BRD1: variants seen among roughly 807,000 people sequenced by gnomAD.
The protein encoded by BRD1 is bromodomain-containing protein 1.
BRD1 carries 24 observed loss-of-function variants against 107.7 expected under a neutral mutation model. The ratio of observed to expected loss-of-function variants is 0.22; its 90% CI spans 0.16 to 0.31. BRD1 has a LOEUF of 0.31. Among genes scored for constraint, BRD1 ranks in the 10% least tolerant of loss-of-function variants. The probability of loss-of-function intolerance (pLI) is 1.00; values close to 1 mark genes in which losing one functional copy is unlikely to be tolerated. For synonymous variants in BRD1, 744 were observed against 686.1 expected, an observed-to-expected ratio of 1.08 and a Z score of -1.32; for missense variants, 1,279 against 1,638.6, an observed-to-expected ratio of 0.78 and a Z score of 3.79.
Position 49,775,687 on chromosome 22 carries a change from G to A in BRD1, c.3290C>T (p.Ala1097Val). 1.2e-6 allele frequency: 2 copies of A among 1,613,746 alleles called. No homozygotes were observed. The highest frequency in any genetic ancestry group is 8.5e-7 in the Non-Finnish European group (1 of 1,179,858). ...AATCTTCAGCACGTCCAGGGGTGGGGCCGGGATGGTGACGCCGTTGTGGTG... is the reference window on the plus strand; with the variant it reads ...AATCTTCAGCACGTCCAGGGGTGGGACCGGGATGGTGACGCCGTTGTGGTG... ...PGHHNGVTIP[A>V]PPLDVLKIGE... Residue 1097 changes from alanine to valine, a missense_variant, in exon 12 of 13, where the codon GCC becomes GTC. Physicochemically the swap from Ala to Val is moderately conservative, Grantham distance 64 (BLOSUM62 0). Coordinates refer to ENST00000404760, the MANE Select transcript of BRD1 (RefSeq NM_001304808.3).
Position 49,823,487 on chromosome 22 carries a change from C to A in BRD1, c.831G>T (p.Lys277Asn). 1 of 1,607,736 alleles carries A rather than the reference C, an allele frequency of 6.2e-7. No individual in the cohort carries two copies. Among genetic ancestry groups the A allele is most frequent in the South Asian group, 1.1e-5 (1 of 91,070 alleles). ...RPADCVLCPN[K>N]GGAFKKTDDD... is the part of the protein sequence containing the mutation. ...CATCTGTCTTTTTGAAGGCACCACC[C>A]TTGTTGGGGCACAGCACACAGTCGG... is the stretch of plus-strand genomic sequence containing the variant. The change falls in exon 2 of 13, where the codon AAG becomes AAT. Residue 277 changes from lysine (K) to asparagine (N), a missense_variant. By Grantham distance (94) the Lys-to-Asn change is moderately conservative. Transcript: ENST00000404760.
At chr22:49,775,891 T>G in intron 11 of BRD1, 146 bp from the exon 12 acceptor site, 1 of 614,426 alleles carries the variant, frequency 1.6e-6, no homozygotes. Flanking sequence ...GAACCACCCC[T>G]GCCCCTTCCA....
chr22:49,805,592 A>AC (rs1271025883), intron 2 of BRD1: 1 of 153,144 alleles, frequency 6.5e-6, no homozygotes, highest in African/African-American at 2.4e-5. Context: ...TCACAGCCCC[A>AC]CAGGGCTCCT....
chr22:49,793,942 C>T (rs546973442), intron 7 of BRD1, 92 bp downstream of exon 7: 6 of 1,507,328 alleles, frequency 4.0e-6, no homozygotes, highest in Middle Eastern at 2.4e-4. Flanking sequence ...TGCACACCAA[C>T]GCTGCTGCCC....
intron 2 of BRD1, among the ~76,000 whole-genome samples, chr22:49,811,797 C>T (rs1266894345): frequency 4.6e-5 from 7 of 152,174 alleles, no homozygotes; most frequent in Admixed American, 3.9e-4. Flanking sequence ...GGCGGCAGAA[C>T]AGGGATGGAA....
In BRD1 at chr22:49,775,724, G is replaced by A. The variant is rs756317589; in HGVS notation, c.3253C>T (p.Arg1085Cys). The change falls in exon 12 of 13, where the codon CGT (arginine) becomes TGT (cysteine). Residue 1085 changes from arginine to cysteine, a missense_variant. Arg to Cys is a radical substitution (Grantham distance 180). This residue lies in a region of BRD1 where 136 missense variants were observed against 196.8 expected (regional missense o/e 0.69). Transcript: ENST00000404760. Reference protein sequence around the residue: ...PALIIDPKMPRVPGHHNGVTI... With the variant: ...PALIIDPKMPCVPGHHNGVTI... ...ACGCCGTTGTGGTGGCCAGGCACAC[G>A]GGGCATCTTGGGGTCGATGATCTGC... 15 of 1,611,680 alleles carry A rather than the reference G, an allele frequency of 9.3e-6. No homozygotes were observed. Among genetic ancestry groups the A allele is most frequent in the Admixed American group, 5.0e-5 (3 of 59,816 alleles).
At chr22:49,775,875 CTCGCCGAA>C in intron 11 of BRD1, 130 bp from the exon 12 acceptor site, 1 of 1,193,320 alleles carries the variant, frequency 8.4e-7, no homozygotes, top group Non-Finnish European at 1.1e-6. Context: ...CCACGCCCCC[CTCGCCGAA>C]CCACCCCTGC....
At chr22:49,821,653 G>A (rs535492067) in intron 2 of BRD1, among the ~76,000 whole-genome samples, 144 of 151,766 alleles carry the variant, frequency 9.5e-4, no homozygotes, top group African/African-American at 3.2e-3. Context: ...CGCAGGCTGC[G>A]GTACAGTAGC....
chr22:49,787,211 G>A (rs898970822), intron 8 of BRD1, among the ~76,000 whole-genome samples, 179 bp downstream of exon 8: 13 of 151,666 alleles, frequency 8.6e-5, no homozygotes, highest in African/African-American at 3.1e-4. Flanking sequence ...GCCGGCCTCA[G>A]ACCCGCAACT....
intron 2 of BRD1, among the ~76,000 whole-genome samples, chr22:49,821,896 C>T (rs1465717864): frequency 6.6e-6 from 1 of 152,202 alleles, no homozygotes; most frequent in Non-Finnish European, 1.5e-5. Context: ...CCCTGTTGAC[C>T]GGCAGGCCCC....
At chr22:49,818,643 T>C (rs2147357338) in intron 2 of BRD1, among the ~76,000 whole-genome samples, 1 of 152,196 alleles carries the variant, frequency 6.6e-6, no homozygotes, top group South Asian at 2.1e-4. Context: ...ATCCTAGCAC[T>C]TTGGGAGGCA....
intron 2 of BRD1, among the ~76,000 whole-genome samples, chr22:49,811,774 A>G (rs1476713661): frequency 6.6e-6 from 1 of 152,242 alleles, no homozygotes; most frequent in Non-Finnish European, 1.5e-5. Context: ...GAAGCTGACA[A>G]AATTCCCCCA....
intron 2 of BRD1, among the ~76,000 whole-genome samples, chr22:49,809,140 G>T (rs9628139): frequency 0.014 from 2,145 of 151,518 alleles, 49 homozygotes; most frequent in African/African-American, 0.05. Flanking sequence ...AAAGAAAAAG[G>T]GAAAAAAAGG....
At chr22:49,775,567 G>T (rs746726651) in intron 12 of BRD1, 24 bp downstream of exon 12, 4 of 1,457,018 alleles carry the variant, frequency 2.7e-6, no homozygotes, top group East Asian at 5.3e-5. Flanking sequence ...GCCGGTCCCC[G>T]GAGTCTAAGG....
At position 49,823,508 on chromosome 22, in the gene BRD1, G is replaced by C. The variant is rs1353642814; in HGVS notation, c.810C>G (p.Asp270Glu). Residue 270 changes from aspartate (D) to glutamate (E), a missense_variant, in exon 2 of 13, where the codon GAC becomes GAG. Asp to Glu is a conservative substitution (Grantham distance 45, BLOSUM62 2). Around this residue, in one of 7 missense-constraint regions of BRD1, gnomAD observed 158 missense variants for 310.2 expected, o/e 0.51. Coordinates refer to ENST00000404760, the MANE Select transcript of BRD1 (RefSeq NM_001304808.3). ...HCLQSRARPA[D>E]CVLCPNKGGA... ...CACCCTTGTTGGGGCACAGCACACAGTCGGCGGGCCGGGCCCGCGACTGCA... is the reference window on the plus strand; with the variant it reads ...CACCCTTGTTGGGGCACAGCACACACTCGGCGGGCCGGGCCCGCGACTGCA... 1 of 1,603,776 alleles carries C rather than the reference G, an allele frequency of 6.2e-7. No individual in the cohort carries two copies. The highest frequency in any genetic ancestry group is 1.7e-5 in the Admixed American group (1 of 59,890).
In BRD1 at chr22:49,773,873, G is replaced by T; in HGVS notation, c.*360C>A. 1 of 173,050 alleles carries T rather than the reference G, an allele frequency of 5.8e-6. No homozygotes were observed. The allele number at this position is 173,050 out of a possible 1,614,324, so 10.7% of individuals were successfully genotyped here. A position where few individuals can be genotyped will look rare whatever the true frequency, so the allele number is the denominator to read the frequency against. ...TTTCTTAAAATACACATTTGTCATT[G>T]TAAATTTACATCCCGTCTTATTAAA... is the stretch of plus-strand genomic sequence containing the variant. On this transcript the variant is annotated 3_prime_UTR_variant, in exon 13 of 13. Coordinates refer to ENST00000404760, the MANE Select transcript of BRD1 (RefSeq NM_001304808.3).
chr22:49,806,303 T>G (rs1197673289), intron 2 of BRD1: 1 of 152,232 alleles, frequency 6.6e-6, no homozygotes, highest in Non-Finnish European at 1.5e-5. Context: ...CTTCTGGAAA[T>G]GTCAACAGCC....
intron 7 of BRD1, among the ~76,000 whole-genome samples, chr22:49,791,016 C>T (rs562726626): frequency 2.0e-5 from 3 of 152,382 alleles, no homozygotes; most frequent in South Asian, 2.1e-4. Flanking sequence ...GCGGACCCTG[C>T]TCCTCCTGAC....
chr22:49,787,080 A>T (rs1027689453), intron 8 of BRD1, among the ~76,000 whole-genome samples: 7 of 151,520 alleles, frequency 4.6e-5, no homozygotes, highest in Non-Finnish European at 1.0e-4. Context: ...AGACTCTCTT[A>T]AAAAAAAATC....
Sources: allele counts gnomAD v4.1 joint callset (sites outside exome capture counted in the v4.1 genomes callset), GRCh38; gene constraint gnomAD v4.1.1; regional missense constraint gnomAD v4.1.1; transcripts MANE v1.5; gene names NCBI Gene and HGNC (gene_info 2026-07-23, HGNC 2026-07-21).